MBTPS2: variants seen among roughly 807,000 people sequenced by gnomAD.
The protein encoded by MBTPS2 is membrane bound transcription factor peptidase, site 2, also known as membrane-bound transcription factor site-2 protease.
Under a neutral mutation model 35.4 loss-of-function variants are expected in MBTPS2, and 2 were observed. That is an observed-to-expected ratio of 0.06 (90% CI 0.02 to 0.18). MBTPS2 has a LOEUF of 0.18. Among genes scored for constraint, MBTPS2 ranks in the 10% least tolerant of loss-of-function variants. The probability of loss-of-function intolerance (pLI) is 1.00; values close to 1 mark genes in which losing one functional copy is unlikely to be tolerated. For missense variants in MBTPS2, 244 were observed against 386.5 expected (o/e 0.63, Z 3.09); for synonymous variants, 125 against 140.4 (o/e 0.89, Z 0.77).
intron 1 of MBTPS2, 102 bp downstream of exon 1, chrX:21,839,911 G>A: frequency 1.2e-6 from 1 of 800,739 alleles, no homozygotes; most frequent in South Asian, 2.2e-5. Flanking sequence ...GCTGGACGGT[G>A]CCCACGTGCG....
intron 3 of MBTPS2, among the ~76,000 whole-genome samples, chrX:21,849,046 T>C (rs1228758746): frequency 9.0e-6 from 1 of 111,595 alleles, no homozygotes; most frequent in Non-Finnish European, 1.9e-5. Context: ...ATTAGAGCAG[T>C]TTTAGATTCA....
At chrX:21,864,421 A>G (rs2092937021) in intron 5 of MBTPS2, among the ~76,000 whole-genome samples, 1 of 110,869 alleles carries the variant, frequency 9.0e-6, no homozygotes, top group Non-Finnish European at 1.9e-5. Context: ...TTTTTTAGAG[A>G]TGGGGTTTCA....
intron 5 of MBTPS2, chrX:21,856,197 G>C (rs1462191226): frequency 1.3e-5 from 4 of 309,957 alleles, no homozygotes; most frequent in Non-Finnish European, 2.3e-5. Context: ...TTTTGGGGCC[G>C]ACAGACGCGC....
At chrX:21,862,645 AC>A (rs2147442638) in intron 5 of MBTPS2, among the ~76,000 whole-genome samples, 1 of 105,162 alleles carries the variant, frequency 9.5e-6, no homozygotes, top group South Asian at 4.5e-4. Flanking sequence ...ACCCGTCTCT[AC>A]TAAAAACAAA....
At chrX:21,881,914 C>T (rs147952473) in intron 10 of MBTPS2, among the ~76,000 whole-genome samples, 3,384 of 111,005 alleles carry the variant, frequency 0.03, 138 homozygotes, top group African/African-American at 0.11. Context: ...CCAGCCTGGG[C>T]GACAGAGCTA....
In MBTPS2 at chrX:21,884,340, G is replaced by A; in HGVS notation, c.*1685G>A. 1.5e-6 allele frequency: 1 copy of A among 686,471 alleles called. No individual in the cohort carries two copies. 56.6% of individuals were successfully genotyped at this position (686,471 alleles called of 1,213,427 possible). ...CAGTCAGACCTGTTCAAGTAGTAGA[G>A]CTTGGAGAATGCCATGAAATACTTA... On this transcript the variant is annotated 3_prime_UTR_variant, in exon 11 of 11. Coordinates refer to ENST00000379484, the MANE Select transcript of MBTPS2 (RefSeq NM_015884.4).
Position 21,845,401 on chromosome X carries a change from C to T in MBTPS2, c.438+17C>T, listed in dbSNP as rs765667784. The T allele has an allele frequency of 2.5e-5, 30 of 1,178,076 alleles. No individual in the cohort carries two copies. The highest frequency in any genetic ancestry group is 5.5e-5 in the South Asian group (3 of 54,194). On this transcript the variant is annotated intron_variant, in intron 3 of 10. Coordinates refer to ENST00000379484, the MANE Select transcript of MBTPS2 (RefSeq NM_015884.4). ...CAAGTTGTGGTAAGTATCGTCTTTT[C>T]GCTTTAAATAACTATCGAAATAGAG...
At chrX:21,867,150 T>C (rs1267901570) in intron 5 of MBTPS2, among the ~76,000 whole-genome samples, 1 of 112,405 alleles carries the variant, frequency 8.9e-6, no homozygotes, top group African/African-American at 3.2e-5. Flanking sequence ...AAGTATTTAT[T>C]TACTAAATAC....
chrX:21,856,150 C>T, intron 5 of MBTPS2: 1 of 247,727 alleles, frequency 4.0e-6, no homozygotes, highest in Non-Finnish European at 7.2e-6. Context: ...TGGGCGGGGT[C>T]GCAGGGTGGC....
chrX:21,853,224 G>GTATAGATATAA (rs1256913425), intron 4 of MBTPS2, 152 bp from the exon 5 acceptor site: 7 of 375,164 alleles, frequency 1.9e-5, no homozygotes, highest in African/African-American at 1.8e-4. Context: ...ATTATATATA[G>GTATAGATATAA]TATAGATATA....
In MBTPS2 at chrX:21,884,722, C is replaced by A; in HGVS notation, c.*2067C>A. 3.0e-6 allele frequency: 2 copies of A among 670,264 alleles called. No individual in the cohort carries two copies. The highest frequency in any genetic ancestry group is 3.6e-6 in the Non-Finnish European group (2 of 562,833). 55.2% of individuals were successfully genotyped at this position (670,264 alleles called of 1,213,427 possible). On this transcript the variant is annotated 3_prime_UTR_variant, in exon 11 of 11. Transcript: ENST00000379484. ...GACCATATCATATTCATCTTTGCAT[C>A]CCTGGCACAGTGCATGAGACATAAG... is the stretch of plus-strand genomic sequence containing the variant.
chrX:21,843,017 A>C (rs2092904433), intron 1 of MBTPS2, among the ~76,000 whole-genome samples, 153 bp from the exon 2 acceptor site: 1 of 112,754 alleles, frequency 8.9e-6, no homozygotes, highest in Non-Finnish European at 1.9e-5. Flanking sequence ...GTGACCTTTA[A>C]TATTCTGAAG....
chrX:21,849,858 CAA>C (rs34366540), intron 3 of MBTPS2, among the ~76,000 whole-genome samples: 1,839 of 77,187 alleles, frequency 0.024, 65 homozygotes, highest in African/African-American at 0.078. Context: ...ACTAAAAATA[CAA>C]AAAAAAAAAA....
rs779528700 is a variant in MBTPS2, at chrX:21,877,994, A to G, written c.971-48A>G. 4 of 848,845 alleles carry G rather than the reference A, an allele frequency of 4.7e-6. No individual in the cohort carries two copies. In the African/African-American group the frequency reaches 6.0e-5, roughly 13 times the overall value. The allele number at this position is 848,845 out of a possible 1,213,427, so 70.0% of individuals were successfully genotyped here. ...GTCTTAAAGGCATTTTTTGTTACAAATGTATTTTTATATAAGAGACTCTAA... is the reference window on the plus strand; with the variant it reads ...GTCTTAAAGGCATTTTTTGTTACAAGTGTATTTTTATATAAGAGACTCTAA... On this transcript the variant is annotated intron_variant, in intron 7 of 10. Coordinates refer to ENST00000379484, the MANE Select transcript of MBTPS2 (RefSeq NM_015884.4).
At chrX:21,853,137 T>C (rs1184654775) in intron 4 of MBTPS2, among the ~76,000 whole-genome samples, 3 of 111,302 alleles carry the variant, frequency 2.7e-5, no homozygotes, top group South Asian at 7.4e-4. Flanking sequence ...TTTGAAGTTA[T>C]GTCTATTTCA....
chrX:21,876,929 G>C (rs932146731), intron 7 of MBTPS2, among the ~76,000 whole-genome samples: 7 of 111,730 alleles, frequency 6.3e-5, no homozygotes, highest in African/African-American at 2.0e-4. Flanking sequence ...TTTGGCGCTT[G>C]AGTCTATTTT....
At position 21,885,027 on chromosome X, in the gene MBTPS2, C is replaced by T; in HGVS notation, c.*2372C>T. The stretch of plus-strand genomic sequence containing the variant: ...GTTGTCACTTTGTTCAACAGTAAAA[C>T]TTTATTCTCAGTGTTCCTACTCTGC... On this transcript the variant is annotated 3_prime_UTR_variant, in exon 11 of 11. Transcript: ENST00000379484. The T allele has an allele frequency of 4.0e-6, 3 of 752,659 alleles. No individual in the cohort carries two copies. Among genetic ancestry groups the T allele is most frequent in the Non-Finnish European group, 4.7e-6 (3 of 638,061 alleles). The allele number at this position is 752,659 out of a possible 1,213,427, so 62.0% of individuals were successfully genotyped here.
Position 21,882,962 on chromosome X carries a change from G to C in MBTPS2, c.*307G>C. On this transcript the variant is annotated 3_prime_UTR_variant, in exon 11 of 11. Coordinates refer to ENST00000379484, the MANE Select transcript of MBTPS2 (RefSeq NM_015884.4). ...ATACCGTTTTGTCTGATTACATATT[G>C]TGTTGAAATAGTATAAAGGAGAACA... 1.1e-6 allele frequency: 1 copy of C among 936,807 alleles called. No homozygotes were observed. The highest frequency in any genetic ancestry group is 1.3e-6 in the Non-Finnish European group (1 of 750,516). 77.2% of individuals were successfully genotyped at this position (936,807 alleles called of 1,213,427 possible).
At chrX:21,872,031 G>A (rs1279222175) in intron 7 of MBTPS2, 2 of 110,546 alleles carry the variant, frequency 1.8e-5, no homozygotes, top group Non-Finnish European at 3.8e-5. Flanking sequence ...ATTCTTTAAG[G>A]TTGAAATATT....
Sources: allele counts gnomAD v4.1 joint callset (sites outside exome capture counted in the v4.1 genomes callset), GRCh38; gene constraint gnomAD v4.1.1; transcripts MANE v1.5; gene names NCBI Gene and HGNC (gene_info 2026-07-23, HGNC 2026-07-21).